Variants in USP34 observed in about 807,000 individuals in gnomAD.
The protein encoded by USP34 is ubiquitin carboxyl-terminal hydrolase 34.
USP34 carries 70 observed loss-of-function variants against 460.3 expected under a neutral mutation model. That is an observed-to-expected ratio of 0.15 (90% CI 0.13 to 0.19). USP34 has a LOEUF of 0.19. USP34 is among the 10% of genes least tolerant of loss of function. The pLI is 1.00. For missense variants in USP34, 3,985 were observed against 4,236.2 expected (o/e 0.94, Z 1.65); for synonymous variants, 1,647 against 1,405.3 (o/e 1.17, Z -3.85).
intron 64 of USP34, 88 bp downstream of exon 64, chr2:61,222,972 C>T (rs1572847798): frequency 5.9e-6 from 7 of 1,191,968 alleles, no homozygotes; most frequent in East Asian, 5.1e-5. Context: ...GCTGGGATTA[C>T]AGGCATGAGC....
chr2:61,293,676 T>C (rs1376499829), intron 32 of USP34, 126 bp from the exon 33 acceptor site: 1 of 637,366 alleles, frequency 1.6e-6, no homozygotes, highest in Non-Finnish European at 2.6e-6. Context: ...TTCATTTAAA[T>C]TACCAAAATA....
At chr2:61,448,619 A>G (rs1364338593) in intron 1 of USP34, among the ~76,000 whole-genome samples, 1 of 152,210 alleles carries the variant, frequency 6.6e-6, no homozygotes. Flanking sequence ...TCCCAAATGG[A>G]AAGAATAAAG....
rs772275583 is a variant in USP34, at chr2:61,394,911, C to G, written c.695G>C (p.Gly232Ala). Reference protein sequence around the residue: ...LSLMKDCFEYGTPETLPFLIA... With the variant: ...LSLMKDCFEYATPETLPFLIA... ...AAGAAATGGCAAAGTTTCAGGAGTT[C>G]CATATTCAAAGCAATCCTTCATGAG... The change falls in exon 5 of 80, where the codon GGA (glycine) becomes GCA (alanine). Residue 232 changes from glycine (G) to alanine (A), a missense_variant. This residue lies in a region of USP34 where 331 missense variants were observed against 293.7 expected (regional missense o/e 1.13). Coordinates refer to ENST00000398571, the MANE Select transcript of USP34 (RefSeq NM_014709.4). 5 of 1,604,384 alleles carry G rather than the reference C, an allele frequency of 3.1e-6. No homozygotes were observed. Among genetic ancestry groups the G allele is most frequent in the Admixed American group, 3.5e-5 (2 of 57,896 alleles).
intron 1 of USP34, among the ~76,000 whole-genome samples, chr2:61,425,965 A>G (rs1301024309): frequency 6.6e-6 from 1 of 151,820 alleles, no homozygotes; most frequent in Non-Finnish European, 1.5e-5. Context: ...CACCGCTCAG[A>G]GTCATGAGGT....
chr2:61,397,949 C>A (rs1693586446), intron 3 of USP34, among the ~76,000 whole-genome samples: 1 of 152,052 alleles, frequency 6.6e-6, no homozygotes, highest in African/African-American at 2.4e-5. Context: ...CGCCTGTAAT[C>A]CCAGCTGCTC....
intron 10 of USP34, among the ~76,000 whole-genome samples, chr2:61,366,986 C>G (rs937718684): frequency 6.6e-6 from 1 of 152,062 alleles, no homozygotes; most frequent in African/African-American, 2.4e-5. Context: ...GAGGCAGAAG[C>G]TGCAGCAAGT....
chr2:61,192,506 A>T (rs1051456230), intron 76 of USP34, among the ~76,000 whole-genome samples: 6 of 152,226 alleles, frequency 3.9e-5, no homozygotes, highest in African/African-American at 1.4e-4. Context: ...CAGACTGCTG[A>T]CAGGGTTTCT....
At chr2:61,242,976 G>A (rs1239308511) in intron 51 of USP34, among the ~76,000 whole-genome samples, 1 of 151,878 alleles carries the variant, frequency 6.6e-6, no homozygotes, top group East Asian at 1.9e-4. Flanking sequence ...CTGAATAGCT[G>A]GGATTACAGG....
chr2:61,396,111 G>A (rs932943033), intron 3 of USP34, among the ~76,000 whole-genome samples: 1 of 151,546 alleles, frequency 6.6e-6, no homozygotes, highest in South Asian at 2.1e-4. Flanking sequence ...AAAAATACAT[G>A]ATAGTTAAGT....
intron 10 of USP34, among the ~76,000 whole-genome samples, chr2:61,369,477 T>C (rs372019899): frequency 1.3e-5 from 2 of 151,880 alleles, no homozygotes; most frequent in East Asian, 1.9e-4. Context: ...ACCTTATCTC[T>C]ACTAAAAATA....
At chr2:61,320,040 A>G (rs917009949) in intron 21 of USP34, among the ~76,000 whole-genome samples, 2 of 152,186 alleles carry the variant, frequency 1.3e-5, no homozygotes, top group Non-Finnish European at 2.9e-5. Flanking sequence ...AATTAAACAC[A>G]CTAAGGAGCA....
At chr2:61,359,168 GC>G (rs1692197197) in intron 10 of USP34, among the ~76,000 whole-genome samples, 1 of 151,564 alleles carries the variant, frequency 6.6e-6, no homozygotes, top group Admixed American at 6.6e-5. Flanking sequence ...TTTGAAACTT[GC>G]AAAAAGAAAA....
intron 43 of USP34, among the ~76,000 whole-genome samples, chr2:61,260,566 T>C (rs1315300303): frequency 6.6e-6 from 1 of 152,220 alleles, no homozygotes; most frequent in Non-Finnish European, 1.5e-5. Flanking sequence ...TTTAGCAGCT[T>C]ATAATCAAAT....
intron 1 of USP34, among the ~76,000 whole-genome samples, chr2:61,449,141 G>C (rs1390928773): frequency 1.5e-5 from 2 of 133,726 alleles, no homozygotes; most frequent in African/African-American, 5.6e-5. Flanking sequence ...TGGGCAACAG[G>C]AAGGAGGGAA....
chr2:61,433,355 C>T (rs908607657), intron 1 of USP34, among the ~76,000 whole-genome samples: 4 of 152,198 alleles, frequency 2.6e-5, no homozygotes, highest in African/African-American at 9.7e-5. Flanking sequence ...GCGAATCGGC[C>T]AGGTGCGGTG....
intron 15 of USP34, among the ~76,000 whole-genome samples, chr2:61,345,455 G>A (rs752383100): frequency 1.2e-4 from 18 of 152,088 alleles, no homozygotes; most frequent in Admixed American, 2.0e-4. Flanking sequence ...GCAAATTGTC[G>A]AGTATAGCAA....
chr2:61,237,401 C>T (rs944344991), intron 53 of USP34, among the ~76,000 whole-genome samples: 2 of 152,044 alleles, frequency 1.3e-5, no homozygotes, highest in Non-Finnish European at 1.5e-5. Flanking sequence ...AACTACTGGT[C>T]AACATGATCT....
At chr2:61,323,316 CCTGG>C (rs955198957) in intron 21 of USP34, among the ~76,000 whole-genome samples, 1 of 152,006 alleles carries the variant, frequency 6.6e-6, no homozygotes, top group African/African-American at 2.4e-5. Flanking sequence ...TCGAGACCAT[CCTGG>C]CTAACACGGT....
At chr2:61,429,917 A>G (rs1413411403) in intron 1 of USP34, among the ~76,000 whole-genome samples, 1 of 151,946 alleles carries the variant, frequency 6.6e-6, no homozygotes, top group Non-Finnish European at 1.5e-5. Context: ...TGTATTTGTA[A>G]AAGTACAAAA....
Sources: gnomAD v4.1 joint callset for allele counts (sites outside exome capture counted in the v4.1 genomes callset) on GRCh38, gnomAD v4.1.1 for gene constraint, gnomAD v4.1.1 regional missense constraint, MANE v1.5 for transcripts, NCBI Gene and HGNC (gene_info 2026-07-23, HGNC 2026-07-21) for gene names.